Variants in GABRA4 observed in about 807,000 individuals in gnomAD.
GABRA4 encodes the protein gamma-aminobutyric acid type A receptor subunit alpha4.
In GABRA4, 12 loss-of-function variants were observed where a neutral mutation model predicts 49.7. The observed-to-expected ratio is 0.24, with a 90% CI of 0.15 to 0.39. The LOEUF (loss-of-function observed/expected upper bound fraction) is 0.39, where lower values mean the gene tolerates loss of function less well. Among genes scored for constraint, GABRA4 ranks in the 10% least tolerant of loss-of-function variants. The probability of loss-of-function intolerance (pLI) is 1.00; values close to 1 mark genes in which losing one functional copy is unlikely to be tolerated. For missense variants in GABRA4, 506 were observed against 686.0 expected (o/e 0.74, Z 2.93); for synonymous variants, 288 against 240.2 (o/e 1.20, Z -1.84).
chr4:46,992,657 G>A (rs1334097651), intron 2 of GABRA4, 171 bp downstream of exon 2: 2 of 617,608 alleles, frequency 3.2e-6, no homozygotes, highest in African/African-American at 1.8e-5. Flanking sequence ...GGAAAGTACG[G>A]GTGGAGGCGG....
intron 8 of GABRA4, among the ~76,000 whole-genome samples, chr4:46,938,319 A>G (rs1408147207): frequency 6.6e-6 from 1 of 152,146 alleles, no homozygotes; most frequent in African/African-American, 2.4e-5. Context: ...AAATTGTGCT[A>G]TGATGAATAG....
chr4:46,955,051 T>G (rs1271974390), intron 8 of GABRA4, among the ~76,000 whole-genome samples: 2 of 152,180 alleles, frequency 1.3e-5, no homozygotes, highest in Non-Finnish European at 2.9e-5. Flanking sequence ...CAATAAATGA[T>G]GATGATGTTG....
intron 8 of GABRA4, among the ~76,000 whole-genome samples, chr4:46,936,330 A>G (rs996564462): frequency 1.3e-5 from 2 of 152,064 alleles, no homozygotes; most frequent in African/African-American, 4.8e-5. Flanking sequence ...GCTCACCGCA[A>G]CCTCTGCCTC....
chr4:46,928,945 T>A (rs375325414), intron 8 of GABRA4, among the ~76,000 whole-genome samples, 190 bp from the exon 9 acceptor site: 4 of 152,152 alleles, frequency 2.6e-5, no homozygotes, highest in African/African-American at 9.6e-5. Flanking sequence ...CATTTGAAAC[T>A]TTGAATCAAA....
chr4:46,977,809 T>C (rs552412203), intron 3 of GABRA4, among the ~76,000 whole-genome samples, 179 bp from the exon 4 acceptor site: 3 of 152,186 alleles, frequency 2.0e-5, no homozygotes, highest in Non-Finnish European at 4.4e-5. Flanking sequence ...GCAATTAGAA[T>C]AACTTTTATC....
intron 8 of GABRA4, among the ~76,000 whole-genome samples, chr4:46,934,789 T>G (rs1295107562): frequency 6.6e-6 from 1 of 152,214 alleles, no homozygotes; most frequent in Non-Finnish European, 1.5e-5. Flanking sequence ...TATTTGTAAA[T>G]GTTTTGTATG....
At chr4:46,949,752 T>A (rs935560603) in intron 8 of GABRA4, among the ~76,000 whole-genome samples, 1 of 152,076 alleles carries the variant, frequency 6.6e-6, no homozygotes, top group African/African-American at 2.4e-5. Context: ...AATGAATGAT[T>A]TATTGAATTT....
intron 8 of GABRA4, among the ~76,000 whole-genome samples, chr4:46,940,438 C>T (rs1877403): frequency 0.13 from 20,251 of 151,888 alleles, 1,464 homozygotes; most frequent in South Asian, 0.25. Context: ...ACACATTTGC[C>T]AAATTATGTA....
At chr4:46,934,219 C>A in intron 8 of GABRA4, among the ~76,000 whole-genome samples, 1 of 151,714 alleles carries the variant, frequency 6.6e-6, no homozygotes, top group Non-Finnish European at 1.5e-5. Context: ...GAGTCACATA[C>A]TAAAAAAAAA....
At chr4:46,965,986 C>T (rs757498904) in intron 7 of GABRA4, among the ~76,000 whole-genome samples, 1 of 147,728 alleles carries the variant, frequency 6.8e-6, no homozygotes, top group Admixed American at 6.7e-5. Flanking sequence ...AGTACTTCTC[C>T]TCCATCAATA....
At chr4:46,930,319 A>G (rs1032383655) in intron 8 of GABRA4, among the ~76,000 whole-genome samples, 1 of 152,108 alleles carries the variant, frequency 6.6e-6, no homozygotes, top group African/African-American at 2.4e-5. Context: ...TATACAGAAC[A>G]TTGTAAATGT....
At chr4:46,969,554 A>G (rs919782880) in intron 7 of GABRA4, among the ~76,000 whole-genome samples, 3 of 151,522 alleles carry the variant, frequency 2.0e-5, no homozygotes, top group African/African-American at 7.3e-5. Context: ...TTTCTTTAAA[A>G]CACTTAAAAG....
chr4:46,967,965 C>T (rs895752795), intron 7 of GABRA4, among the ~76,000 whole-genome samples: 1 of 151,624 alleles, frequency 6.6e-6, no homozygotes, highest in Non-Finnish European at 1.5e-5. Flanking sequence ...AACTTAGAGG[C>T]ATACAGCTTT....
intron 8 of GABRA4, among the ~76,000 whole-genome samples, chr4:46,947,516 G>T (rs1364916034): frequency 2.0e-5 from 3 of 151,526 alleles, no homozygotes; most frequent in African/African-American, 4.9e-5. Context: ...GGAAGGAAGA[G>T]GAGGAAAGCA....
At position 46,928,152 on chromosome 4, in the gene GABRA4, T is replaced by C; in HGVS notation, c.*73A>G. ...TTTTTATTTTAGTAAAGAATATTTG[T>C]TTATATTTAAAAACATTTAAAAAGA... On this transcript the variant is annotated 3_prime_UTR_variant, in exon 9 of 9. Transcript: ENST00000264318. The C allele has an allele frequency of 1.6e-6, 2 of 1,243,902 alleles. No homozygotes were observed. Among genetic ancestry groups the C allele is most frequent in the Non-Finnish European group, 2.2e-6 (2 of 915,350 alleles). The allele number at this position is 1,243,902 out of a possible 1,614,324, so 77.1% of individuals were successfully genotyped here. A position where few individuals can be genotyped will look rare whatever the true frequency, so the allele number is the denominator to read the frequency against.
chr4:46,987,406 A>G (rs958036974), intron 2 of GABRA4, among the ~76,000 whole-genome samples: 8 of 152,212 alleles, frequency 5.3e-5, no homozygotes, highest in Middle Eastern at 3.4e-3. Context: ...ACATTACTCT[A>G]TAGCTGTTAA....
chr4:46,973,108 C>A (rs889012139), intron 6 of GABRA4, among the ~76,000 whole-genome samples: 1 of 151,662 alleles, frequency 6.6e-6, no homozygotes, highest in Non-Finnish European at 1.5e-5. Flanking sequence ...GTAGTATCCA[C>A]TTCATGGGAT....
Position 46,918,916 on chromosome 4 carries a change from G to A in GABRA4, c.*9309C>T. ...CAAAAAATATTCCAAAGATATTTAT[G>A]TTTATTGTTTTAAATTTAAATAGAA... On this transcript the variant is annotated 3_prime_UTR_variant, in exon 9 of 9. Transcript: ENST00000264318. The A allele has an allele frequency of 6.6e-6, 1 of 151,762 alleles. No homozygotes were observed. The allele number at this position is 151,762 out of a possible 1,614,324, so 9.4% of individuals were successfully genotyped here.
intron 8 of GABRA4, among the ~76,000 whole-genome samples, chr4:46,961,625 G>C (rs192748996): frequency 6.6e-6 from 1 of 151,880 alleles, no homozygotes; most frequent in African/African-American, 2.4e-5. Flanking sequence ...ATAAGGGACC[G>C]ATCTGTTATC....
Sources: gnomAD v4.1 joint callset for allele counts (sites outside exome capture counted in the v4.1 genomes callset) on GRCh38, gnomAD v4.1.1 for gene constraint, MANE v1.5 for transcripts, NCBI Gene and HGNC (gene_info 2026-07-23, HGNC 2026-07-21) for gene names.